The following PARD3 variants were observed in gnomAD, a reference collection of about 807,000 sequenced individuals.
The protein encoded by PARD3 is partitioning defective 3 homolog.
A neutral mutation model predicts 155.4 loss-of-function variants in PARD3; 75 were observed. That is an observed-to-expected ratio of 0.48 (90% CI 0.40 to 0.58). The LOEUF (loss-of-function observed/expected upper bound fraction) is 0.58, where lower values mean the gene tolerates loss of function less well. PARD3 is among the 20% of genes least tolerant of loss of function. The pLI, the probability that PARD3 is intolerant of heterozygous loss-of-function variation, is 0.00. For missense variants in PARD3, 1,642 were observed against 1,721.7 expected, an observed-to-expected ratio of 0.95 and a Z score of 0.82; for synonymous variants, 576 against 610.5, an observed-to-expected ratio of 0.94 and a Z score of 0.83.
intron 1 of PARD3, among the ~76,000 whole-genome samples, chr10:34,769,929 A>G (rs1320243028): frequency 1.3e-5 from 2 of 152,056 alleles, no homozygotes; most frequent in African/African-American, 4.8e-5. Context: ...AAGTGACATT[A>G]ATTCAGAATG....
chr10:34,608,953 C>G (rs770766002), intron 2 of PARD3, among the ~76,000 whole-genome samples: 1 of 152,114 alleles, frequency 6.6e-6, no homozygotes, highest in Non-Finnish European at 1.5e-5. Flanking sequence ...ATAGGTGATA[C>G]GCAAATACTG....
At chr10:34,385,070 T>C (rs774739743) in intron 7 of PARD3, among the ~76,000 whole-genome samples, 4 of 152,226 alleles carry the variant, frequency 2.6e-5, no homozygotes, top group Non-Finnish European at 1.5e-5. Context: ...CTTCTTTAAA[T>C]CACAGTATAA....
At chr10:34,481,237 C>T (rs1042456736) in intron 3 of PARD3, among the ~76,000 whole-genome samples, 3 of 152,102 alleles carry the variant, frequency 2.0e-5, no homozygotes, top group African/African-American at 4.8e-5. Context: ...TCATCACCCT[C>T]CTCCCTTTCC....
chr10:34,441,630 G>A (rs1159276915), intron 5 of PARD3, among the ~76,000 whole-genome samples: 5 of 152,104 alleles, frequency 3.3e-5, no homozygotes, highest in South Asian at 2.1e-4. Context: ...AAATGTGTGT[G>A]TCCTTCTAAG....
intron 2 of PARD3, among the ~76,000 whole-genome samples, chr10:34,579,574 G>GTGTGTA (rs1028103851): frequency 6.6e-6 from 1 of 151,096 alleles, no homozygotes; most frequent in Non-Finnish European, 1.5e-5. Context: ...GTGTGTGTGT[G>GTGTGTA]TGTGTGTGTG....
intron 12 of PARD3, among the ~76,000 whole-genome samples, chr10:34,368,414 T>C (rs552672308): frequency 4.4e-4 from 67 of 152,210 alleles, no homozygotes; most frequent in Admixed American, 1.8e-3. Flanking sequence ...GGCTCACGCG[T>C]GTAATTCCAG....
In PARD3 at chr10:34,450,682, C is replaced by T. The variant is rs143420975; in HGVS notation, c.583-234G>A. ...TACAGCAGGAAGGGTGGCACACACA[C>T]GGCACACAACAGACAAAACACTACA... is the stretch of plus-strand genomic sequence containing the variant. On this transcript the variant is annotated intron_variant, in intron 4 of 24. Coordinates refer to ENST00000374788, the MANE Select transcript of PARD3 (RefSeq NM_001184785.2). Among the ~76,000 whole-genome samples, 930 of 152,254 alleles carry T rather than the reference C, an allele frequency of 6.1e-3. 5 individuals are homozygous for T. Among genetic ancestry groups the T allele is most frequent in the African/African-American group, 0.02 (838 of 41,540 alleles).
chr10:34,183,218 G>A (rs1308151408), intron 22 of PARD3, among the ~76,000 whole-genome samples: 4 of 152,230 alleles, frequency 2.6e-5, no homozygotes, highest in Admixed American at 6.5e-5. Context: ...CTGATTTCTA[G>A]TATGATCCAG....
At chr10:34,197,844 C>T (rs898667284) in intron 22 of PARD3, among the ~76,000 whole-genome samples, 1 of 152,176 alleles carries the variant, frequency 6.6e-6, no homozygotes, top group African/African-American at 2.4e-5. Context: ...ATTCTCCTGC[C>T]CCAGCCTCCC....
Position 34,382,824 on chromosome 10 carries a change from C to T in PARD3, c.1115G>A (p.Ser372Asn). Reference sequence around the variant, plus strand: ...GCTTGAATAGTAATTGTTCTTCTCACTTTGGGATAGTTGTTCATACTGCTC... The same window carrying T: ...GCTTGAATAGTAATTGTTCTTCTCATTTTGGGATAGTTGTTCATACTGCTC... ...NKEQYEQLSQ[S>N]EKNNYYSSRF... The change falls in exon 9 of 25, where the codon AGT becomes AAT. Residue 372 changes from serine (S) to asparagine (N), a missense_variant. This residue lies in a region of PARD3 where 1,529 missense variants were observed against 1,587.3 expected (regional missense o/e 0.96). Transcript: ENST00000374788. The T allele has an allele frequency of 6.2e-7, 1 of 1,614,160 alleles. No homozygotes were observed. Among genetic ancestry groups the T allele is most frequent in the Non-Finnish European group, 8.5e-7 (1 of 1,180,024 alleles).
chr10:34,703,116 G>A (rs1228351289), intron 1 of PARD3, among the ~76,000 whole-genome samples: 1 of 152,046 alleles, frequency 6.6e-6, no homozygotes, highest in East Asian at 1.9e-4. Context: ...AGGCACAGTG[G>A]TTCATTCCTG....
At chr10:34,694,103 T>C (rs2094119050) in intron 2 of PARD3, among the ~76,000 whole-genome samples, 1 of 151,270 alleles carries the variant, frequency 6.6e-6, no homozygotes, top group Non-Finnish European at 1.5e-5. Flanking sequence ...TTGTGCTATT[T>C]TTACATAGGA....
chr10:34,481,757 G>A (rs1263937639), intron 3 of PARD3, among the ~76,000 whole-genome samples: 1 of 152,040 alleles, frequency 6.6e-6, no homozygotes, highest in Non-Finnish European at 1.5e-5. Context: ...TAATAAATAT[G>A]GGGCCAAGAT....
intron 1 of PARD3, among the ~76,000 whole-genome samples, chr10:34,742,837 C>G (rs1006333248): frequency 3.9e-5 from 6 of 152,182 alleles, no homozygotes; most frequent in African/African-American, 1.4e-4. Context: ...CGTGAAGAAT[C>G]TACAATCACC....
intron 14 of PARD3, among the ~76,000 whole-genome samples, chr10:34,356,011 G>A (rs528541396): frequency 6.3e-4 from 94 of 149,264 alleles, no homozygotes; most frequent in Non-Finnish European, 1.2e-3. Context: ...CAGGAATAAT[G>A]AAAGAACAGG....
At chr10:34,683,634 A>AC (rs1169880739) in intron 2 of PARD3, among the ~76,000 whole-genome samples, 1 of 151,250 alleles carries the variant, frequency 6.6e-6, no homozygotes, top group African/African-American at 2.4e-5. Flanking sequence ...AAGAGTGAGA[A>AC]CCTCTGTCCC....
At chr10:34,467,943 C>G (rs892342394) in intron 4 of PARD3, among the ~76,000 whole-genome samples, 3 of 152,082 alleles carry the variant, frequency 2.0e-5, no homozygotes, top group Admixed American at 2.0e-4. Context: ...TACTCAGATT[C>G]AGTAGCATGA....
At chr10:34,477,091 G>A (rs557492920) in intron 3 of PARD3, among the ~76,000 whole-genome samples, 7 of 152,234 alleles carry the variant, frequency 4.6e-5, no homozygotes, top group South Asian at 2.1e-4. Context: ...GATTTGCTAC[G>A]TTTCTGGGGC....
At chr10:34,198,422 C>A (rs1951048843) in intron 22 of PARD3, among the ~76,000 whole-genome samples, 1 of 150,640 alleles carries the variant, frequency 6.6e-6, no homozygotes, top group Non-Finnish European at 1.5e-5. Context: ...AATTAAAAAT[C>A]CATAAGAATG....
Sources: allele counts gnomAD v4.1 joint callset (sites outside exome capture counted in the v4.1 genomes callset), GRCh38; gene constraint gnomAD v4.1.1; regional missense constraint gnomAD v4.1.1; transcripts MANE v1.5; gene names NCBI Gene and HGNC (gene_info 2026-07-23, HGNC 2026-07-21).